SCFD2: variants seen among roughly 807,000 people sequenced by gnomAD.
SCFD2 encodes the protein sec1 family domain containing 2.
SCFD2 carries 54 observed loss-of-function variants against 58.9 expected under a neutral mutation model. The observed-to-expected ratio is 0.92, with a 90% CI of 0.74 to 1.15. The LOEUF (loss-of-function observed/expected upper bound fraction) is 1.15. Ranked by LOEUF, SCFD2 falls within the 50% of genes most tolerant of loss-of-function variation. The pLI, the probability that SCFD2 is intolerant of heterozygous loss-of-function variation, is 0.00. For missense variants in SCFD2, 805 were observed against 836.6 expected, an observed-to-expected ratio of 0.96 and a Z score of 0.47; for synonymous variants, 321 against 335.9, an observed-to-expected ratio of 0.96 and a Z score of 0.49.
intron 5 of SCFD2, among the ~76,000 whole-genome samples, chr4:53,032,883 A>C (rs114754618): frequency 0.026 from 3,989 of 152,146 alleles, 81 homozygotes; most frequent in African/African-American, 0.054. Flanking sequence ...ACTTTAACAA[A>C]CCCTTGTCAA....
chr4:52,948,435 C>A, intron 5 of SCFD2: 1 of 447,418 alleles, frequency 2.2e-6, no homozygotes, highest in South Asian at 1.6e-5. Flanking sequence ...GATTCTTGAA[C>A]TCTCAGCCTC....
At chr4:52,968,171 T>G (rs1327106523) in intron 5 of SCFD2, among the ~76,000 whole-genome samples, 2 of 152,220 alleles carry the variant, frequency 1.3e-5, no homozygotes, top group East Asian at 3.8e-4. Context: ...TCTAAAGTCA[T>G]CTCTGCTCTC....
intron 5 of SCFD2, among the ~76,000 whole-genome samples, chr4:53,026,011 T>C (rs1030965353): frequency 6.6e-6 from 1 of 152,206 alleles, no homozygotes; most frequent in Non-Finnish European, 1.5e-5. Flanking sequence ...TTTCATTTTT[T>C]TTTTCTTTCT....
intron 5 of SCFD2, among the ~76,000 whole-genome samples, chr4:53,106,112 C>G (rs969424469): frequency 2.0e-5 from 3 of 152,146 alleles, no homozygotes; most frequent in Non-Finnish European, 4.4e-5. Context: ...CACTAGCAGA[C>G]CTGCAGCAGA....
chr4:53,269,379 G>A (rs2149063755), intron 4 of SCFD2, among the ~76,000 whole-genome samples: 1 of 152,162 alleles, frequency 6.6e-6, no homozygotes, highest in East Asian at 1.9e-4. Context: ...TTTTAATGAA[G>A]ACAGAGATAA....
Position 53,307,103 on chromosome 4 carries a change from G to A in SCFD2, c.1135+6533C>T, listed in dbSNP as rs548342679. ...GCAAAGCCTGGAAAAGGCAGTCCAC[G>A]AAGGTCAGTCTCCAGAGGCACAGAT... is the stretch of plus-strand genomic sequence containing the variant. On this transcript the variant is annotated intron_variant, in intron 3 of 8. Coordinates refer to ENST00000401642, the MANE Select transcript of SCFD2 (RefSeq NM_152540.4). Among the ~76,000 whole-genome samples, 65 of 152,308 alleles carry A rather than the reference G, an allele frequency of 4.3e-4. 1 individual carries two copies. The highest frequency in any genetic ancestry group is 6.8e-4 in the Non-Finnish European group (46 of 68,030).
intron 5 of SCFD2, among the ~76,000 whole-genome samples, chr4:52,960,799 C>T (rs1444380589): frequency 3.3e-5 from 5 of 152,096 alleles, no homozygotes; most frequent in Non-Finnish European, 7.4e-5. Flanking sequence ...ATTTATTATA[C>T]ATCAACTATG....
intron 4 of SCFD2, among the ~76,000 whole-genome samples, chr4:53,204,391 GA>G (rs1431478327): frequency 6.6e-6 from 1 of 151,206 alleles, no homozygotes; most frequent in Non-Finnish European, 1.5e-5. Context: ...ACACTATTTA[GA>G]AAAATAATAT....
chr4:53,260,350 A>G (rs1030656295), intron 4 of SCFD2, among the ~76,000 whole-genome samples: 27 of 152,090 alleles, frequency 1.8e-4, no homozygotes, highest in Non-Finnish European at 1.8e-4. Context: ...ATTCAGTATA[A>G]TGTTAGCAGT....
At chr4:53,306,058 T>C (rs1732503653) in intron 3 of SCFD2, among the ~76,000 whole-genome samples, 1 of 152,200 alleles carries the variant, frequency 6.6e-6, no homozygotes, top group African/African-American at 2.4e-5. Flanking sequence ...CAGCCCCAAC[T>C]ACTCTGAGTC....
At chr4:53,138,518 G>C (rs1726009562) in intron 5 of SCFD2, among the ~76,000 whole-genome samples, 2 of 152,166 alleles carry the variant, frequency 1.3e-5, no homozygotes, top group Non-Finnish European at 2.9e-5. Context: ...GCATGACTGA[G>C]AAAGCATAAC....
At chr4:52,883,377 G>A (rs1718664839) in intron 8 of SCFD2, among the ~76,000 whole-genome samples, 1 of 152,226 alleles carries the variant, frequency 6.6e-6, no homozygotes, top group African/African-American at 2.4e-5. Flanking sequence ...TGCCTTTTCT[G>A]TTTCCCCTGC....
Position 52,979,957 on chromosome 4 carries a change from G to A in SCFD2, c.1562-59087C>T, listed in dbSNP as rs553170839. 4.6e-5 allele frequency among the ~76,000 whole-genome samples: 7 copies of A among 152,154 alleles called. No individual in the cohort carries two copies. The South Asian group carries it at 6.2e-4, about 14-fold the overall frequency. On this transcript the variant is annotated intron_variant, in intron 5 of 8. Transcript: ENST00000401642. ...CTCATTTAGGTTCTCATCACCTCTG[G>A]ATTACCTCTTGTCTTGTTCTGCTCA...
At chr4:53,306,882 A>G (rs1577954180) in intron 3 of SCFD2, among the ~76,000 whole-genome samples, 1 of 152,254 alleles carries the variant, frequency 6.6e-6, no homozygotes, top group East Asian at 1.9e-4. Flanking sequence ...TTGACAGGAA[A>G]GATGTGCATT....
chr4:53,057,206 C>T (rs759242283), intron 5 of SCFD2, among the ~76,000 whole-genome samples: 4 of 152,030 alleles, frequency 2.6e-5, no homozygotes, highest in Admixed American at 2.6e-4. Flanking sequence ...AAAGGCACTG[C>T]ACACATATGT....
Position 53,139,294 on chromosome 4 carries a change from G to A in SCFD2, c.1561+6039C>T, listed in dbSNP as rs554072906. Among the ~76,000 whole-genome samples, 27 of 151,688 alleles carry A rather than the reference G, an allele frequency of 1.8e-4. No individual in the cohort carries two copies. The East Asian group carries it at 3.3e-3, about 19-fold the overall frequency. ...GCAACCTCTGCCCGGCCGCCACCCC[G>A]CCCCACAAGAAGTGAGGAGCGTCTC... On this transcript the variant is annotated intron_variant, in intron 5 of 8. Coordinates refer to ENST00000401642, the MANE Select transcript of SCFD2 (RefSeq NM_152540.4).
intron 5 of SCFD2, among the ~76,000 whole-genome samples, chr4:52,954,652 A>G (rs374671340): frequency 6.6e-6 from 1 of 152,210 alleles, no homozygotes; most frequent in South Asian, 2.1e-4. Flanking sequence ...GAAAAATCAT[A>G]AAGGGTGAGT....
In SCFD2 at chr4:52,953,549, T is replaced by G. The variant is rs1577856633; in HGVS notation, c.1562-32679A>C. ...CCCCTGAAGGTGGTGTCAAGGGGAG[T>G]CAAAGCATTTCTTTAGCAGCGCCCT... is the stretch of plus-strand genomic sequence containing the variant. On this transcript the variant is annotated intron_variant, in intron 5 of 8. Transcript: ENST00000401642. 2.0e-5 allele frequency among the ~76,000 whole-genome samples: 3 copies of G among 152,020 alleles called. No individual in the cohort carries two copies. In the East Asian group the frequency reaches 5.8e-4, roughly 29 times the overall value.
Position 52,972,821 on chromosome 4 carries a change from G to C in SCFD2, c.1562-51951C>G, listed in dbSNP as rs573242162. On this transcript the variant is annotated intron_variant, in intron 5 of 8. Transcript: ENST00000401642. ...ACAGAAATTATAACAAACTGTCTCT[G>C]AGACCACAGTGCAATCAAACTAGAA... 3.1e-3 allele frequency among the ~76,000 whole-genome samples: 470 copies of C among 152,204 alleles called. 4 individuals are homozygous for C. The highest frequency in any genetic ancestry group is 0.011 in the African/African-American group (437 of 41,556).
Sources: allele counts gnomAD v4.1 joint callset (sites outside exome capture counted in the v4.1 genomes callset), GRCh38; gene constraint gnomAD v4.1.1; transcripts MANE v1.5; gene names NCBI Gene and HGNC (gene_info 2026-07-23, HGNC 2026-07-21).